The following MAN1C1 variants were observed in gnomAD, a reference collection of about 807,000 sequenced individuals.
The protein encoded by MAN1C1 is mannosidase alpha class 1C member 1.
A neutral mutation model predicts 71.5 loss-of-function variants in MAN1C1; 49 were observed. The ratio of observed to expected loss-of-function variants is 0.69; its 90% CI spans 0.54 to 0.87. The LOEUF (loss-of-function observed/expected upper bound fraction) is 0.87, where lower values mean the gene tolerates loss of function less well. MAN1C1 is among the 40% of genes least tolerant of loss of function. The probability of loss-of-function intolerance (pLI) is 0.00; values close to 1 mark genes in which losing one functional copy is unlikely to be tolerated. For missense variants in MAN1C1, 743 were observed against 835.0 expected, an observed-to-expected ratio of 0.89 and a Z score of 1.36; for synonymous variants, 352 against 343.7, an observed-to-expected ratio of 1.02 and a Z score of -0.27.
In MAN1C1 at chr1:25,679,741, AAT is replaced by A. The variant is rs557120336; in HGVS notation, c.541-6694_541-6693del. Among the ~76,000 whole-genome samples, 410 of 152,008 alleles carry A rather than the reference AAT, an allele frequency of 2.7e-3. 2 individuals are homozygous for A. The highest frequency in any genetic ancestry group is 9.4e-3 in the African/African-American group (392 of 41,518). ...TCATATATATGCACACTGTATGTAT[AAT>A]ATATGTATACACATGTACATACATA... On this transcript the variant is annotated intron_variant, in intron 1 of 11. Coordinates refer to ENST00000374332, the MANE Select transcript of MAN1C1 (RefSeq NM_020379.4).
At chr1:25,767,751 A>C (rs2047461141) in intron 7 of MAN1C1, among the ~76,000 whole-genome samples, 1 of 43,268 alleles carries the variant, frequency 2.3e-5, no homozygotes, top group Non-Finnish European at 3.8e-5. Context: ...CCACACACCC[A>C]CACTCCCCTC....
At position 25,779,413 on chromosome 1, in the gene MAN1C1, C is replaced by G. The variant is rs1298040677; in HGVS notation, c.1477+1089C>G. 6.6e-6 allele frequency among the ~76,000 whole-genome samples: 1 copy of G among 152,132 alleles called. No homozygotes were observed. The highest frequency in any genetic ancestry group is 2.4e-5 in the African/African-American group (1 of 41,426). ...CCATCATGATGTGTCTGTGCCCGCC[C>G]CAGCTGAATGGGGTCTCCTGGAGCT... On this transcript the variant is annotated intron_variant, in intron 9 of 11. Coordinates refer to ENST00000374332, the MANE Select transcript of MAN1C1 (RefSeq NM_020379.4). This position sits in a 1 kb window ranked among gnomAD's most constrained non-coding sequence, Gnocchi z 4.6.
rs887891813 is a variant in MAN1C1, at chr1:25,656,630, A to T, written c.541-29810A>T. Reference sequence around the variant, plus strand: ...TCTTCTGTGTGTGTCTTTCTGCTGTATGTCAGGCTGTGCTTAAGCCTGCTT... The same window carrying T: ...TCTTCTGTGTGTGTCTTTCTGCTGTTTGTCAGGCTGTGCTTAAGCCTGCTT... On this transcript the variant is annotated intron_variant, in intron 1 of 11. Coordinates refer to ENST00000374332, the MANE Select transcript of MAN1C1 (RefSeq NM_020379.4). Among the ~76,000 whole-genome samples the T allele has an allele frequency of 3.3e-5, 5 of 152,250 alleles. No individual in the cohort carries two copies. In the East Asian group the frequency reaches 9.7e-4, roughly 29 times the overall value.
At chr1:25,704,056 C>G (rs773633068) in intron 2 of MAN1C1, among the ~76,000 whole-genome samples, 2 of 152,172 alleles carry the variant, frequency 1.3e-5, no homozygotes, top group Non-Finnish European at 2.9e-5. Context: ...CTGCCTGTCC[C>G]TTCATCCCGG....
chr1:25,679,768 ATTGTC>A (rs1171925381), intron 1 of MAN1C1, among the ~76,000 whole-genome samples: 1 of 151,662 alleles, frequency 6.6e-6, no homozygotes, highest in African/African-American at 2.4e-5. Flanking sequence ...GTACATACAT[ATTGTC>A]TTGTGAACCA....
Position 25,634,336 on chromosome 1 carries a change from C to T in MAN1C1, c.540+15999C>T, listed in dbSNP as rs1318731761. On this transcript the variant is annotated intron_variant, in intron 1 of 11. Transcript: ENST00000374332. The surrounding 1 kb of genome is among the most constrained non-coding windows in gnomAD (Gnocchi z 4.6). Reference sequence around the variant, plus strand: ...GAGGGAAAAGCAGCCAGTCTTTCATCATTAAGTATGATGTTAGATGTAGGT... The same window carrying T: ...GAGGGAAAAGCAGCCAGTCTTTCATTATTAAGTATGATGTTAGATGTAGGT... Among the ~76,000 whole-genome samples the T allele has an allele frequency of 6.6e-6, 1 of 152,142 alleles. No homozygotes were observed. The highest frequency in any genetic ancestry group is 2.4e-5 in the African/African-American group (1 of 41,422).
chr1:25,664,260 G>GT (rs3841828), intron 1 of MAN1C1, among the ~76,000 whole-genome samples: 17,817 of 146,058 alleles, frequency 0.12, 1,899 homozygotes, highest in African/African-American at 0.29. Flanking sequence ...AACCCTACTA[G>GT]TTTTTTTTTT....
At chr1:25,652,253 A>T (rs1002834570) in intron 1 of MAN1C1, among the ~76,000 whole-genome samples, 1 of 152,242 alleles carries the variant, frequency 6.6e-6, no homozygotes, top group Non-Finnish European at 1.5e-5. Context: ...CCAGAGGTCC[A>T]GGAAGCAGGA....
chr1:25,779,972 C>T lies in MAN1C1; in HGVS notation c.1478-968C>T, dbSNP rs2124416065. ...AAGGGAGAAGGATCTGGCCCTCATA[C>T]CCTACATGTTGGGCCTATGAGGGTT... On this transcript the variant is annotated intron_variant, in intron 9 of 11. Transcript: ENST00000374332. The surrounding 1 kb of genome is among the most constrained non-coding windows in gnomAD (Gnocchi z 4.6). Among the ~76,000 whole-genome samples the T allele has an allele frequency of 6.6e-6, 1 of 152,264 alleles. No homozygotes were observed. Among genetic ancestry groups the T allele is most frequent in the East Asian group, 1.9e-4 (1 of 5,176 alleles).
At chr1:25,677,513 C>G (rs1020216689) in intron 1 of MAN1C1, among the ~76,000 whole-genome samples, 5 of 152,066 alleles carry the variant, frequency 3.3e-5, no homozygotes, top group African/African-American at 1.2e-4. Flanking sequence ...GTGCATAGTT[C>G]TCATGTTGAT....
At position 25,683,340 on chromosome 1, in the gene MAN1C1, G is replaced by T. The variant is rs557442116; in HGVS notation, c.541-3100G>T. Among the ~76,000 whole-genome samples the T allele has an allele frequency of 1.1e-3, 161 of 152,280 alleles. 5 individuals are homozygous for T. In the South Asian group the frequency reaches 0.033, roughly 31 times the overall value. ...CAGCAGCCCCTCCTCTGGCTTGTTT[G>T]CCTGTTATATGTCTTGCCTGTGAAG... is the stretch of plus-strand genomic sequence containing the variant. On this transcript the variant is annotated intron_variant, in intron 1 of 11. Transcript: ENST00000374332.
In MAN1C1 at chr1:25,783,894, A is replaced by G; in HGVS notation, c.*105A>G. ...TGGGAACGAAGGCCCCATCTCGGGCAGACCCCCAGCAGATGTGTCGGACAA... is the reference window on the plus strand; with the variant it reads ...TGGGAACGAAGGCCCCATCTCGGGCGGACCCCCAGCAGATGTGTCGGACAA... On this transcript the variant is annotated 3_prime_UTR_variant, in exon 12 of 12. Coordinates refer to ENST00000374332, the MANE Select transcript of MAN1C1 (RefSeq NM_020379.4). 1 of 1,426,444 alleles carries G rather than the reference A, an allele frequency of 7.0e-7. No individual in the cohort carries two copies. The highest frequency in any genetic ancestry group is 9.4e-7 in the Non-Finnish European group (1 of 1,063,028). 88.4% of individuals were successfully genotyped at this position (1,426,444 alleles called of 1,614,324 possible).
intron 1 of MAN1C1, among the ~76,000 whole-genome samples, chr1:25,677,382 A>G (rs1047312633): frequency 6.6e-6 from 1 of 151,568 alleles, no homozygotes; most frequent in Non-Finnish European, 1.5e-5. Context: ...TCCAGAGACC[A>G]TCTAGAGCCA....
intron 6 of MAN1C1, among the ~76,000 whole-genome samples, chr1:25,762,735 AT>A (rs1339798354): frequency 6.6e-6 from 1 of 151,628 alleles, no homozygotes; most frequent in Non-Finnish European, 1.5e-5. Flanking sequence ...GCTATACCAC[AT>A]TTTTTTTATT....
chr1:25,723,311 T>A (rs2046791222), intron 2 of MAN1C1, among the ~76,000 whole-genome samples: 1 of 152,346 alleles, frequency 6.6e-6, no homozygotes. Context: ...AGGAAGAGAA[T>A]CTAGGGATCT....
At chr1:25,643,577 A>G (rs907151135) in intron 1 of MAN1C1, among the ~76,000 whole-genome samples, 7 of 130,726 alleles carry the variant, frequency 5.4e-5, no homozygotes, top group East Asian at 4.6e-4. Context: ...GGCCTTTTAT[A>G]TATATATATT....
intron 1 of MAN1C1, among the ~76,000 whole-genome samples, chr1:25,667,249 T>A (rs2045936537): frequency 6.6e-6 from 1 of 152,024 alleles, no homozygotes; most frequent in Admixed American, 6.6e-5. Context: ...TTTGGGAGGC[T>A]GAGGCGGGCG....
At chr1:25,712,912 C>T (rs1016286859) in intron 2 of MAN1C1, among the ~76,000 whole-genome samples, 1 of 152,204 alleles carries the variant, frequency 6.6e-6, no homozygotes, top group Admixed American at 6.5e-5. Flanking sequence ...CAGGGACTTT[C>T]TCAGATACTT....
rs1178713621 is a variant in MAN1C1 at position 25,769,034 on chromosome 1, CCACCCA to C, written c.1142-2619_1142-2614del. Among the ~76,000 whole-genome samples, 1 of 147,198 alleles carries C rather than the reference CCACCCA, an allele frequency of 6.8e-6. No individual in the cohort carries two copies. Among genetic ancestry groups the C allele is most frequent in the Non-Finnish European group, 1.5e-5 (1 of 66,420 alleles). On this transcript the variant is annotated intron_variant, in intron 7 of 11. Coordinates refer to ENST00000374332, the MANE Select transcript of MAN1C1 (RefSeq NM_020379.4). This position sits in a 1 kb window ranked among gnomAD's most constrained non-coding sequence, Gnocchi z 4.8. Reference sequence around the variant, plus strand: ...TCCCCTCAGGCACACACACTACACACCACCCACACTCCCACACACACTACACACCAC... The same window carrying C: ...TCCCCTCAGGCACACACACTACACACCACTCCCACACACACTACACACCAC...
Sources: gnomAD v4.1 joint callset for allele counts (sites outside exome capture counted in the v4.1 genomes callset) on GRCh38, gnomAD v4.1.1 for gene constraint, Gnocchi (gnomAD v3.1) non-coding constraint, MANE v1.5 for transcripts, NCBI Gene and HGNC (gene_info 2026-07-23, HGNC 2026-07-21) for gene names.